NHSL1: variants seen among roughly 807,000 people sequenced by gnomAD.
NHSL1 encodes NHS like 1, also known as NHS-like protein 1.
In NHSL1, 48 loss-of-function variants were observed where a neutral mutation model predicts 95.0. The observed-to-expected ratio is 0.51, with a 90% CI of 0.40 to 0.64. NHSL1 has a LOEUF of 0.64. NHSL1 is among the 30% of genes least tolerant of loss of function. NHSL1 has a pLI of 0.00. For synonymous variants in NHSL1, 783 were observed against 833.9 expected (o/e 0.94, Z 1.05); for missense variants, 1,971 against 2,077.7 (o/e 0.95, Z 1.00).
At position 138,429,828 on chromosome 6, in the gene NHSL1, G is replaced by A. The variant is rs1250674481; in HGVS notation, c.3968C>T (p.Thr1323Ile). 1.9e-6 allele frequency: 3 copies of A among 1,551,254 alleles called. No homozygotes were observed. Among genetic ancestry groups the A allele is most frequent in the Non-Finnish European group, 2.6e-6 (3 of 1,146,894 alleles). The change falls in exon 7 of 8, where the codon ACC becomes ATC. Residue 1323 changes from threonine (T) to isoleucine (I), a missense_variant. Physicochemically the swap from Thr to Ile is moderately conservative, Grantham distance 89. Coordinates refer to ENST00000343505, the MANE Select transcript of NHSL1 (RefSeq NM_001144060.2). Reference protein sequence around the residue: ...QQDGAAGVPETNAAGSSSEAC... With the variant: ...QQDGAAGVPEINAAGSSSEAC... The stretch of plus-strand genomic sequence containing the variant: ...CTCTGAGGATGAACCGGCTGCGTTG[G>A]TCTCCGGCACCCCAGCTACAGAAGA...
intron 1 of NHSL1, among the ~76,000 whole-genome samples, chr6:138,616,220 C>A (rs547137932): frequency 6.6e-6 from 1 of 152,122 alleles, no homozygotes; most frequent in Non-Finnish European, 1.5e-5. Context: ...AGAGACCACA[C>A]GCAGACTATA....
At chr6:138,469,966 G>T (rs957452676) in intron 3 of NHSL1, among the ~76,000 whole-genome samples, 1 of 152,094 alleles carries the variant, frequency 6.6e-6, no homozygotes, top group Non-Finnish European at 1.5e-5. Context: ...AAAGAAGGGA[G>T]TGGGGGAGGC....
intron 7 of NHSL1, among the ~76,000 whole-genome samples, chr6:138,428,995 A>G (rs1341763038): frequency 6.6e-6 from 1 of 152,234 alleles, no homozygotes; most frequent in Non-Finnish European, 1.5e-5. Context: ...GCTGTTTCCA[A>G]TCAGAAAAGT....
chr6:138,616,595 C>T (rs1025441635), intron 1 of NHSL1, among the ~76,000 whole-genome samples: 8 of 152,016 alleles, frequency 5.3e-5, no homozygotes, highest in Admixed American at 2.0e-4. Context: ...TTTGGGTGTA[C>T]CTTCCCATCC....
In NHSL1 at chr6:138,437,331, T is replaced by TATATATATACACACATATATATATACAC. The variant is rs1562270082; in HGVS notation, c.665-3652_665-3651insGTGTATATATATATGTGTGTATATATAT. 6.7e-4 allele frequency among the ~76,000 whole-genome samples: 39 copies of TATATATATACACACATATATATATACAC among 58,016 alleles called. 1 individual carries two copies. The highest frequency in any genetic ancestry group is 6.1e-3 in the Admixed American group (31 of 5,078). The allele number at this position is 58,016 out of a possible 152,430, so 38.1% of individuals were successfully genotyped here. A position where few individuals can be genotyped will look rare whatever the true frequency, so the allele number is the denominator to read the frequency against. On this transcript the variant is annotated intron_variant, in intron 5 of 7. Coordinates refer to ENST00000343505, the MANE Select transcript of NHSL1 (RefSeq NM_001144060.2). ...ATATATATATATATACACACACACA[T>TATATATATACACACATATATATATACAC]ATATATATATACACATATATATATA...
chr6:138,626,284 A>C (rs1193499072), intron 1 of NHSL1, among the ~76,000 whole-genome samples: 1 of 152,138 alleles, frequency 6.6e-6, no homozygotes, highest in African/African-American at 2.4e-5. Flanking sequence ...TTGGAAACAA[A>C]CTCTTTAGGT....
chr6:138,670,370 T>TAA lies in NHSL1; in HGVS notation c.96+22104_96+22105dup, dbSNP rs750341571. Among the ~76,000 whole-genome samples, 1,174 of 125,420 alleles carry TAA rather than the reference T, an allele frequency of 9.4e-3. 19 individuals carry two copies. Among genetic ancestry groups the TAA allele is most frequent in the African/African-American group, 0.031 (1,075 of 34,358 alleles). The allele number at this position is 125,420 out of a possible 152,430, so 82.3% of individuals were successfully genotyped here. A position where few individuals can be genotyped will look rare whatever the true frequency, so the allele number is the denominator to read the frequency against. On this transcript the variant is annotated intron_variant, in intron 1 of 3. Transcript: ENST00000491526. ...AACTTGCAGCAAACACCGTTGAAGG[T>TAA]AAAAAAAAAAAAAAGGCCGGGCGCG...
At chr6:138,594,407 G>T (rs564715659) in intron 1 of NHSL1, among the ~76,000 whole-genome samples, 1 of 151,954 alleles carries the variant, frequency 6.6e-6, no homozygotes, top group Non-Finnish European at 1.5e-5. Context: ...ACTCCTCCCC[G>T]GCTCTAAGCA....
chr6:138,583,749 C>T (rs1011187080), intron 1 of NHSL1, among the ~76,000 whole-genome samples: 6 of 152,084 alleles, frequency 3.9e-5, no homozygotes, highest in African/African-American at 1.2e-4. Flanking sequence ...TTTGATATTC[C>T]CCCACATAAT....
chr6:138,439,499 G>A (rs1254742895), intron 5 of NHSL1, among the ~76,000 whole-genome samples: 2 of 152,118 alleles, frequency 1.3e-5, no homozygotes, highest in Non-Finnish European at 2.9e-5. Flanking sequence ...TGGGAAAAAA[G>A]GCAAGATCAA....
At chr6:138,474,189 T>A (rs570761246) in intron 2 of NHSL1, among the ~76,000 whole-genome samples, 1 of 152,308 alleles carries the variant, frequency 6.6e-6, no homozygotes, top group East Asian at 1.9e-4. Flanking sequence ...TTCCAATGGC[T>A]CTTTAAAGCA....
At chr6:138,600,973 A>C (rs185780659) in intron 1 of NHSL1, among the ~76,000 whole-genome samples, 192 of 152,366 alleles carry the variant, frequency 1.3e-3, no homozygotes, top group African/African-American at 4.4e-3. Flanking sequence ...AAATCATTTG[A>C]AAGTATTTTC....
chr6:138,454,351 A>G (rs1366144878), intron 3 of NHSL1, among the ~76,000 whole-genome samples: 2 of 152,224 alleles, frequency 1.3e-5, no homozygotes, highest in African/African-American at 4.8e-5. Flanking sequence ...CCACTCCAGT[A>G]CTAATTTATT....
intron 1 of NHSL1, among the ~76,000 whole-genome samples, chr6:138,555,941 C>A (rs1447903503): frequency 1.8e-4 from 28 of 152,024 alleles, no homozygotes. Context: ...CACTTTTCTG[C>A]ATCCTCCCTT....
chr6:138,504,406 C>A (rs1780851807), upstream of NHSL1, among the ~76,000 whole-genome samples: 1 of 152,206 alleles, frequency 6.6e-6, no homozygotes, highest in Non-Finnish European at 1.5e-5. Context: ...TTAAGTCTAG[C>A]GAGAGAGAGA....
intron 3 of NHSL1, among the ~76,000 whole-genome samples, chr6:138,460,551 T>C (rs1466768783): frequency 2.0e-5 from 3 of 151,964 alleles, no homozygotes; most frequent in African/African-American, 4.8e-5. Flanking sequence ...TTAGTTATTA[T>C]AAGTAATCTA....
Position 138,431,048 on chromosome 6 carries a change from T to C in NHSL1, c.3297A>G (p.Glu1099=). The change falls in exon 6 of 8, where the codon GAA becomes GAG. Residue 1099 remains glutamate, a synonymous_variant. Coordinates refer to ENST00000343505, the MANE Select transcript of NHSL1 (RefSeq NM_001144060.2). This position sits in a 1 kb window ranked among gnomAD's most constrained non-coding sequence, Gnocchi z 4.0. ...ACTGTGGAGCAACTGGAGTTCGTTG[T>C]TCCTGAGCTGTTCGTTCAGACAACT... ...AAQLSERTAQ[E]QRTPVAPQYH... 1 of 1,552,096 alleles carries C rather than the reference T, an allele frequency of 6.4e-7. No homozygotes were observed. Among genetic ancestry groups the C allele is most frequent in the South Asian group, 1.2e-5 (1 of 84,060 alleles).
intron 5 of NHSL1, among the ~76,000 whole-genome samples, chr6:138,439,200 A>AT (rs1294661625): frequency 3.9e-5 from 6 of 152,152 alleles, no homozygotes. Context: ...CTCTGGTTAG[A>AT]TTTTTTTAAA....
At chr6:138,573,286 A>G (rs1423389480), upstream of NHSL1, among the ~76,000 whole-genome samples, 2 of 152,168 alleles carry the variant, frequency 1.3e-5, no homozygotes, top group African/African-American at 2.4e-5. Flanking sequence ...CCACGGTCCT[A>G]GGGGTGTTAA....
Sources: allele counts gnomAD v4.1 joint callset (sites outside exome capture counted in the v4.1 genomes callset), GRCh38; gene constraint gnomAD v4.1.1; non-coding constraint Gnocchi (gnomAD v3.1); transcripts MANE v1.5; gene names NCBI Gene and HGNC (gene_info 2026-07-23, HGNC 2026-07-21).